The following SLC25A13 variants were observed in gnomAD, a reference collection of about 807,000 sequenced individuals.
The protein encoded by SLC25A13 is solute carrier family 25 member 13, also known as electrogenic aspartate/glutamate antiporter SLC25A13, mitochondrial.
In SLC25A13, 70 loss-of-function variants were observed where a neutral mutation model predicts 85.5. The ratio of observed to expected loss-of-function variants is 0.82; its 90% CI spans 0.68 to 1.00. The LOEUF (loss-of-function observed/expected upper bound fraction) is 1.00, where lower values mean the gene tolerates loss of function less well. Among genes scored for constraint, SLC25A13 ranks in the 50% least tolerant of loss-of-function variants. The pLI, the probability that SLC25A13 is intolerant of heterozygous loss-of-function variation, is 0.00. For missense variants in SLC25A13, 765 were observed against 819.8 expected (o/e 0.93, Z 0.82); for synonymous variants, 259 against 288.7 (o/e 0.90, Z 1.04).
chr7:96,291,357 C>T (rs900126578), intron 2 of SLC25A13, among the ~76,000 whole-genome samples: 3 of 152,094 alleles, frequency 2.0e-5, no homozygotes, highest in African/African-American at 7.2e-5. Flanking sequence ...CCTAACATCA[C>T]AATTAAAAGA....
intron 2 of SLC25A13, chr7:96,283,398 G>T: frequency 2.5e-6 from 1 of 392,192 alleles, no homozygotes. Flanking sequence ...CTCAATATAT[G>T]TTCTGTAGGC....
intron 4 of SLC25A13, among the ~76,000 whole-genome samples, chr7:96,212,435 T>C (rs1339744260): frequency 5.3e-5 from 8 of 152,154 alleles, no homozygotes; most frequent in Non-Finnish European, 1.0e-4. Context: ...GTACACTGTA[T>C]CAGCACTAAA....
chr7:96,186,850 T>C (rs1794662823), intron 9 of SLC25A13, among the ~76,000 whole-genome samples: 1 of 152,234 alleles, frequency 6.6e-6, no homozygotes, highest in Admixed American at 6.5e-5. Context: ...TCACTTTTTA[T>C]TAAAAATGCT....
chr7:96,149,387 A>G (rs1792929231), intron 13 of SLC25A13, among the ~76,000 whole-genome samples: 1 of 152,184 alleles, frequency 6.6e-6, no homozygotes, highest in African/African-American at 2.4e-5. Flanking sequence ...AACACTGGTA[A>G]AAGTTGCTAG....
At chr7:96,194,372 G>A (rs1266436842) in intron 5 of SLC25A13, among the ~76,000 whole-genome samples, 1 of 145,942 alleles carries the variant, frequency 6.9e-6, no homozygotes, top group Non-Finnish European at 1.5e-5. Context: ...AGCCTGGGGA[G>A]GAGGAGGTTG....
At chr7:96,304,372 CAGA>C (rs1799662766) in intron 1 of SLC25A13, among the ~76,000 whole-genome samples, 1 of 152,288 alleles carries the variant, frequency 6.6e-6, no homozygotes, top group Admixed American at 6.5e-5. Context: ...AGATGTTTAT[CAGA>C]AGGATTCAGT....
intron 11 of SLC25A13, among the ~76,000 whole-genome samples, chr7:96,172,194 T>G (rs1466837736): frequency 5.9e-5 from 9 of 152,184 alleles, no homozygotes; most frequent in Admixed American, 5.9e-4. Flanking sequence ...GAATGCCATA[T>G]GTATCCAACC....
intron 11 of SLC25A13, among the ~76,000 whole-genome samples, chr7:96,180,239 A>T (rs1562820031): frequency 6.6e-6 from 1 of 152,308 alleles, no homozygotes; most frequent in East Asian, 1.9e-4. Context: ...TCATAAAATG[A>T]TCTAATTACT....
chr7:96,313,283 C>A (rs1800010605), intron 1 of SLC25A13, among the ~76,000 whole-genome samples: 1 of 152,144 alleles, frequency 6.6e-6, no homozygotes, highest in Admixed American at 6.5e-5. Context: ...GGACACTAAC[C>A]TTCCAGGTGT....
intron 4 of SLC25A13, among the ~76,000 whole-genome samples, chr7:96,209,596 C>T (rs1019468115): frequency 6.6e-6 from 1 of 152,100 alleles, no homozygotes; most frequent in Admixed American, 6.5e-5. Flanking sequence ...TTTTCTACTG[C>T]ACTCTTTTGG....
intron 11 of SLC25A13, among the ~76,000 whole-genome samples, chr7:96,172,845 G>A (rs1037472626): frequency 1.8e-4 from 28 of 151,938 alleles, no homozygotes; most frequent in Non-Finnish European, 3.7e-4. Flanking sequence ...TGCCAGCTCC[G>A]CCTCTTGGGT....
chr7:96,129,987 G>A (rs922342815), intron 15 of SLC25A13, among the ~76,000 whole-genome samples: 1 of 152,166 alleles, frequency 6.6e-6, no homozygotes, highest in Non-Finnish European at 1.5e-5. Context: ...TTATCTTAGA[G>A]TAGTGAAATA....
At chr7:96,150,560 C>T (rs765911793) in intron 13 of SLC25A13, among the ~76,000 whole-genome samples, 1 of 152,030 alleles carries the variant, frequency 6.6e-6, no homozygotes, top group Non-Finnish European at 1.5e-5. Flanking sequence ...TAGTTGGAAA[C>T]AGGGCCTTTA....
rs774203119 is a variant in SLC25A13, at chr7:96,277,328, A to G, written c.80T>C (p.Ile27Thr). 4.3e-6 allele frequency: 7 copies of G among 1,612,664 alleles called. No individual in the cohort carries two copies. The highest frequency in any genetic ancestry group is 5.9e-6 in the Non-Finnish European group (7 of 1,179,286). ...LRTIFLKYAS[I>T]EKNGEFFMSP... The stretch of plus-strand genomic sequence containing the variant: ...CATGAAAAATTCACCGTTTTTCTCA[A>G]TGCTTGCATACTGTTTAAAAAAAAG... Residue 27 changes from isoleucine (I) to threonine (T), a missense_variant, in exon 3 of 18, where the codon ATT (isoleucine) becomes ACT (threonine). Ile to Thr is a moderately conservative substitution (Grantham distance 89). Transcript: ENST00000265631.
chr7:96,262,178 T>G (rs1986600), intron 3 of SLC25A13, among the ~76,000 whole-genome samples: 125,082 of 152,132 alleles, frequency 0.82, 51,618 homozygotes, highest in Admixed American at 0.87. Context: ...AAGCAGATTC[T>G]CAAGTAGCTA....
At chr7:96,144,260 T>G (rs73708480) in intron 14 of SLC25A13, among the ~76,000 whole-genome samples, 1 of 152,184 alleles carries the variant, frequency 6.6e-6, no homozygotes, top group African/African-American at 2.4e-5. Flanking sequence ...CCAACCAGAC[T>G]TGTAATACAA....
chr7:96,274,220 T>C (rs561450863), intron 3 of SLC25A13, among the ~76,000 whole-genome samples: 1 of 152,176 alleles, frequency 6.6e-6, no homozygotes, highest in South Asian at 2.1e-4. Context: ...AAAAATGGTA[T>C]CTCATTATGG....
At chr7:96,169,957 G>T in intron 13 of SLC25A13, 88 bp downstream of exon 13, 1 of 1,334,574 alleles carries the variant, frequency 7.5e-7, no homozygotes, top group Non-Finnish European at 1.1e-6. Flanking sequence ...TGGTTAAACA[G>T]AAGCCTTAGT....
chr7:96,145,412 A>G (rs1442876688), intron 14 of SLC25A13, among the ~76,000 whole-genome samples: 3 of 152,206 alleles, frequency 2.0e-5, no homozygotes, highest in African/African-American at 7.2e-5. Flanking sequence ...CAGGTTAGAA[A>G]GAAAAAGAGT....
Sources: allele counts gnomAD v4.1 joint callset (sites outside exome capture counted in the v4.1 genomes callset), GRCh38; gene constraint gnomAD v4.1.1; transcripts MANE v1.5; gene names NCBI Gene and HGNC (gene_info 2026-07-23, HGNC 2026-07-21).